SEMA3A: variants seen among roughly 807,000 people sequenced by gnomAD.
SEMA3A encodes semaphorin-3A.
A neutral mutation model predicts 97.9 loss-of-function variants in SEMA3A; 29 were observed. The observed-to-expected ratio is 0.30, with a 90% confidence interval of 0.22 to 0.40. The LOEUF is 0.40. Ranked by LOEUF, SEMA3A falls within the 10% of genes least tolerant of loss-of-function variation. The probability of loss-of-function intolerance (pLI) is 1.00; values close to 1 mark genes in which losing one functional copy is unlikely to be tolerated. For synonymous variants in SEMA3A, 321 were observed against 323.7 expected, an observed-to-expected ratio of 0.99 and a Z score of 0.09; for missense variants, 763 against 951.3, an observed-to-expected ratio of 0.80 and a Z score of 2.60.
Position 83,959,368 on chromosome 7 carries a change from T to A in SEMA3A, c.*2003A>T, listed in dbSNP as rs1788381548. The stretch of plus-strand genomic sequence containing the variant: ...AAGAATGACCTATTTTTTGGAGCAC[T>A]CTTTGTTCTTCGATTTATATTTGAA... On this transcript the variant is annotated 3_prime_UTR_variant, in exon 17 of 17. Coordinates refer to ENST00000265362, the MANE Select transcript of SEMA3A (RefSeq NM_006080.3). 1 of 152,052 alleles carries A rather than the reference T, an allele frequency of 6.6e-6. No homozygotes were observed. The highest frequency in any genetic ancestry group is 2.4e-5 in the African/African-American group (1 of 41,460). The allele number at this position is 152,052 out of a possible 1,614,324, so 9.4% of individuals were successfully genotyped here.
upstream of SEMA3A, among the ~76,000 whole-genome samples, chr7:84,198,189 T>A (rs78754371): frequency 6.9e-3 from 1,051 of 152,144 alleles, 50 homozygotes; most frequent in East Asian, 0.13. Flanking sequence ...GGCCTTTTTT[T>A]ATTTTTTTAT....
chr7:84,052,411 G>T (rs1326381816), intron 5 of SEMA3A, among the ~76,000 whole-genome samples: 4 of 152,190 alleles, frequency 2.6e-5, no homozygotes, highest in Admixed American at 1.3e-4. Flanking sequence ...TCTATTCAGA[G>T]ATTCAGCTTC....
intron 1 of SEMA3A, among the ~76,000 whole-genome samples, chr7:84,434,188 T>C (rs1805061612): frequency 6.6e-6 from 1 of 152,148 alleles, no homozygotes; most frequent in Admixed American, 6.5e-5. Flanking sequence ...GGATCATTTT[T>C]TCTTGTTTAT....
At chr7:84,462,740 A>G (rs1215270252) in intron 1 of SEMA3A, among the ~76,000 whole-genome samples, 1 of 152,174 alleles carries the variant, frequency 6.6e-6, no homozygotes, top group African/African-American at 2.4e-5. Context: ...AACTGGACCC[A>G]CAGTAAAGGA....
chr7:84,474,912 T>TA (rs35614344), intron 1 of SEMA3A, among the ~76,000 whole-genome samples: 26 of 147,972 alleles, frequency 1.8e-4, no homozygotes, highest in Middle Eastern at 7.0e-3. Context: ...ATTAGAGGTT[T>TA]AAAAAAAAAA....
At chr7:84,131,552 G>A (rs954858605) in intron 2 of SEMA3A, among the ~76,000 whole-genome samples, 1 of 152,072 alleles carries the variant, frequency 6.6e-6, no homozygotes, top group African/African-American at 2.4e-5. Context: ...ACCTGAACAT[G>A]TGTTTTTGCC....
intron 1 of SEMA3A, among the ~76,000 whole-genome samples, chr7:84,378,725 T>C (rs1357274499): frequency 6.6e-6 from 1 of 152,076 alleles, no homozygotes; most frequent in Non-Finnish European, 1.5e-5. Flanking sequence ...AAAGAATATA[T>C]ATATATACAG....
intron 1 of SEMA3A, among the ~76,000 whole-genome samples, chr7:84,169,571 A>G (rs1158336177): frequency 6.7e-6 from 1 of 149,624 alleles, no homozygotes; most frequent in Non-Finnish European, 1.5e-5. Context: ...TATCATTTCT[A>G]TTGTTCAGAT....
chr7:84,023,739 T>A (rs915721628), intron 6 of SEMA3A, among the ~76,000 whole-genome samples: 4 of 152,056 alleles, frequency 2.6e-5, no homozygotes, highest in Admixed American at 6.5e-5. Context: ...TGCCGGGCGC[T>A]ATGGCTCACG....
rs1174978825 is a variant in SEMA3A, at chr7:83,967,207, C to T, written c.1718-3860G>A. ...AACCTGACATCTTATAAACAGATAC[C>T]TAATCAATATTTTAAAATAATAATT... On this transcript the variant is annotated intron_variant, in intron 15 of 16. Transcript: ENST00000265362. Among the ~76,000 whole-genome samples, 4 of 152,066 alleles carry T rather than the reference C, an allele frequency of 2.6e-5. No homozygotes were observed. In the East Asian group the frequency reaches 5.8e-4, roughly 22 times the overall value.
At position 83,959,804 on chromosome 7, in the gene SEMA3A, A is replaced by G. The variant is rs992124998; in HGVS notation, c.*1567T>C. The G allele has an allele frequency of 6.6e-6, 1 of 152,088 alleles. No individual in the cohort carries two copies. Among genetic ancestry groups the G allele is most frequent in the Non-Finnish European group, 1.5e-5 (1 of 67,944 alleles). 9.4% of individuals were successfully genotyped at this position (152,088 alleles called of 1,614,324 possible). A position where few individuals can be genotyped will look rare whatever the true frequency, so the allele number is the denominator to read the frequency against. Reference sequence around the variant, plus strand: ...GTCCTGAATAGGTGAGTGCAGTGCAAAAGAAACCACAGTATAATGCTGAAA... The same window carrying G: ...GTCCTGAATAGGTGAGTGCAGTGCAGAAGAAACCACAGTATAATGCTGAAA... On this transcript the variant is annotated 3_prime_UTR_variant, in exon 17 of 17. Coordinates refer to ENST00000265362, the MANE Select transcript of SEMA3A (RefSeq NM_006080.3).
chr7:84,425,644 A>G (rs1263918738), intron 1 of SEMA3A, among the ~76,000 whole-genome samples: 1 of 147,706 alleles, frequency 6.8e-6, no homozygotes, highest in Non-Finnish European at 1.5e-5. Flanking sequence ...AAACGTATAA[A>G]TATATATATG....
chr7:84,321,872 G>GAAAAAAA lies in SEMA3A; in HGVS notation c.-168-14587_-168-14581dup, dbSNP rs1156548285. ...GCCTGGCCGACAGAGCGAGACTACG[G>GAAAAAAA]AAAAAAAAAAAAAAAAAAAAAAAAA... On this transcript the variant is annotated intron_variant, in intron 2 of 3. Transcript: ENST00000424555. Among the ~76,000 whole-genome samples, 56 of 11,978 alleles carry GAAAAAAA rather than the reference G, an allele frequency of 4.7e-3. 2 individuals carry two copies. Among genetic ancestry groups the GAAAAAAA allele is most frequent in the South Asian group, 8.3e-3 (2 of 240 alleles). The allele number at this position is 11,978 out of a possible 152,430, so 7.9% of individuals were successfully genotyped here. A position where few individuals can be genotyped will look rare whatever the true frequency, so the allele number is the denominator to read the frequency against.
At chr7:84,253,724 G>C (rs1266368164) in intron 3 of SEMA3A, among the ~76,000 whole-genome samples, 2 of 152,138 alleles carry the variant, frequency 1.3e-5, no homozygotes, top group Non-Finnish European at 2.9e-5. Flanking sequence ...AAGAGAGAAA[G>C]ATAAAGATAC....
intron 3 of SEMA3A, among the ~76,000 whole-genome samples, chr7:84,122,214 A>G (rs1583997876): frequency 6.6e-6 from 1 of 151,816 alleles, no homozygotes; most frequent in Admixed American, 6.6e-5. Context: ...ACAAAGAACT[A>G]AAACAAATTT....
chr7:83,964,881 C>T (rs965522436), intron 15 of SEMA3A, among the ~76,000 whole-genome samples: 5 of 151,630 alleles, frequency 3.3e-5, no homozygotes, highest in Admixed American at 6.6e-5. Flanking sequence ...ATTATTAGTG[C>T]GTCTTGAATT....
At position 84,369,485 on chromosome 7, in the gene SEMA3A, TGA is replaced by T. The variant is rs1562922628; in HGVS notation, c.-169+2337_-169+2338del. Among the ~76,000 whole-genome samples, 712 of 151,326 alleles carry T rather than the reference TGA, an allele frequency of 4.7e-3. 7 individuals carry two copies. The highest frequency in any genetic ancestry group is 0.016 in the African/African-American group (658 of 41,476). The stretch of plus-strand genomic sequence containing the variant: ...TGTAGCTTGTTTAAGAGAGTTGCCA[TGA>T]AGTGACAGACTTGGTACGAAAGAAG... On this transcript the variant is annotated intron_variant, in intron 2 of 3. Transcript: ENST00000424555.
intron 3 of SEMA3A, among the ~76,000 whole-genome samples, chr7:84,283,807 T>TA (rs1800514526): frequency 6.6e-6 from 1 of 152,198 alleles, no homozygotes; most frequent in Admixed American, 6.5e-5. Flanking sequence ...CATAACTTCT[T>TA]AAATTCCAGT....
rs545907175 is a variant in SEMA3A at position 84,174,986 on chromosome 7, CT to C, written c.112+19488del. On this transcript the variant is annotated intron_variant, in intron 1 of 16. Coordinates refer to ENST00000265362, the MANE Select transcript of SEMA3A (RefSeq NM_006080.3). ...GTGATTTGACTGTTAATTTTTTAAT[CT>C]TTTTTTTCTTTTTTACTGTAATGAG... 2.0e-5 allele frequency among the ~76,000 whole-genome samples: 3 copies of C among 151,882 alleles called. No homozygotes were observed. The East Asian group carries it at 5.8e-4, about 29-fold the overall frequency.
Sources: gnomAD v4.1 joint callset for allele counts (sites outside exome capture counted in the v4.1 genomes callset) on GRCh38, gnomAD v4.1.1 for gene constraint, MANE v1.5 for transcripts, NCBI Gene and HGNC (gene_info 2026-07-23, HGNC 2026-07-21) for gene names.